ELFN1: variants seen among roughly 807,000 people sequenced by gnomAD.
ELFN1 encodes extracellular leucine rich repeat and fibronectin type III domain containing 1, also known as protein ELFN1.
Under a neutral mutation model 7.6 loss-of-function variants are expected in ELFN1, and 6 were observed. The observed-to-expected ratio is 0.79, with a 90% confidence interval of 0.43 to 1.56. ELFN1 has a LOEUF of 1.56. Among genes scored for constraint, ELFN1 ranks in the 40% most tolerant of loss-of-function variants. ELFN1 has a pLI of 0.01. For synonymous variants in ELFN1, 657 were observed against 588.1 expected (o/e 1.12, Z -1.70); for missense variants, 1,169 against 1,232.2 (o/e 0.95, Z 0.77).
chr7:1,729,940 G>C (rs1226055100), intron 3 of ELFN1, among the ~76,000 whole-genome samples: 3 of 152,250 alleles, frequency 2.0e-5, no homozygotes, highest in Non-Finnish European at 4.4e-5. Context: ...CAGGCCCCAG[G>C]AGGTGGGCGG....
In ELFN1 at chr7:1,696,120, G is replaced by A. The variant is rs189475201; in HGVS notation, c.-456+7970G>A. ...TTGGTTCTAGGAGGGCCAGTGTCCT[G>A]GTTTGCAGATGGCTACCTTCTCACC... is the stretch of plus-strand genomic sequence containing the variant. On this transcript the variant is annotated intron_variant, in intron 2 of 3. Transcript: ENST00000424383. Among the ~76,000 whole-genome samples the A allele has an allele frequency of 1.8e-3, 277 of 152,214 alleles. 1 individual carries two copies. Among genetic ancestry groups the A allele is most frequent in the African/African-American group, 6.3e-3 (263 of 41,532 alleles).
intron 1 of ELFN1, among the ~76,000 whole-genome samples, chr7:1,686,069 T>C (rs1779057252): frequency 6.7e-6 from 1 of 149,540 alleles, no homozygotes; most frequent in South Asian, 2.1e-4. Context: ...CTTTTTTTTT[T>C]CTGAGTATGG....
chr7:1,735,965 G>A lies in ELFN1; in HGVS notation c.-293-8339G>A, dbSNP rs1172893161. 6.6e-6 allele frequency among the ~76,000 whole-genome samples: 1 copy of A among 152,108 alleles called. No individual in the cohort carries two copies. The highest frequency in any genetic ancestry group is 2.4e-5 in the African/African-American group (1 of 41,432). The stretch of plus-strand genomic sequence containing the variant: ...GCCCAAGGTCACACAGCAGGCGCAC[G>A]GCAGAGCCAACACCATCTCCTGGCC... On this transcript the variant is annotated intron_variant, in intron 3 of 3. Transcript: ENST00000424383. The surrounding 1 kb of genome is among the most constrained non-coding windows in gnomAD (Gnocchi z 5.9).
At chr7:1,728,653 C>G (rs570937789) in intron 3 of ELFN1, among the ~76,000 whole-genome samples, 1 of 152,356 alleles carries the variant, frequency 6.6e-6, no homozygotes, top group Non-Finnish European at 1.5e-5. Context: ...AGGCAGCACA[C>G]AGCACATGCG....
At chr7:1,721,695 G>A (rs918955010) in intron 3 of ELFN1, among the ~76,000 whole-genome samples, 1 of 152,178 alleles carries the variant, frequency 6.6e-6, no homozygotes, top group African/African-American at 2.4e-5. Context: ...GGCCTGTCAG[G>A]GTCGAGGAGG....
At chr7:1,690,209 A>G (rs1382294064) in intron 2 of ELFN1, among the ~76,000 whole-genome samples, 2 of 151,252 alleles carry the variant, frequency 1.3e-5, no homozygotes, top group Non-Finnish European at 2.9e-5. Context: ...AAGTGAATGG[A>G]TGGATAGTTG....
chr7:1,714,806 G>A (rs927099156), intron 3 of ELFN1, among the ~76,000 whole-genome samples: 2 of 152,250 alleles, frequency 1.3e-5, no homozygotes, highest in Non-Finnish European at 2.9e-5. Flanking sequence ...GAATTTGGCT[G>A]CGCAAGACAA....
At chr7:1,697,417 C>T (rs540435429) in intron 2 of ELFN1, among the ~76,000 whole-genome samples, 203 of 152,288 alleles carry the variant, frequency 1.3e-3, no homozygotes, top group African/African-American at 4.8e-3. Flanking sequence ...CACCCTGGGG[C>T]CTGCACTCCC....
chr7:1,713,692 G>A (rs1388138872), intron 3 of ELFN1, among the ~76,000 whole-genome samples: 1 of 152,076 alleles, frequency 6.6e-6, no homozygotes, highest in Non-Finnish European at 1.5e-5. Context: ...ATGGAGGTGA[G>A]CCCAGACCCT....
chr7:1,733,897 A>G (rs1780375982), intron 3 of ELFN1, among the ~76,000 whole-genome samples: 1 of 152,154 alleles, frequency 6.6e-6, no homozygotes, highest in Admixed American at 6.5e-5. Flanking sequence ...GGGTCCTTCC[A>G]GCATCTTAGC....
At chr7:1,741,279 A>G (rs1780605849) in intron 3 of ELFN1, among the ~76,000 whole-genome samples, 1 of 152,140 alleles carries the variant, frequency 6.6e-6, no homozygotes, top group Non-Finnish European at 1.5e-5. Context: ...AGTCGTGCCC[A>G]CACGCCCTAA....
chr7:1,681,524 A>G (rs1164119555), intron 1 of ELFN1, among the ~76,000 whole-genome samples: 1 of 152,076 alleles, frequency 6.6e-6, no homozygotes, highest in East Asian at 1.9e-4. Flanking sequence ...CACCATGCCC[A>G]GCTGATTTTT....
At chr7:1,701,123 G>A (rs1178388158) in intron 2 of ELFN1, among the ~76,000 whole-genome samples, 2 of 151,660 alleles carry the variant, frequency 1.3e-5, no homozygotes, top group Non-Finnish European at 2.9e-5. Flanking sequence ...GCGTATGTGA[G>A]CCTGTGTGTG....
intron 1 of ELFN1, among the ~76,000 whole-genome samples, chr7:1,674,072 C>T (rs1269160891): frequency 4.0e-5 from 6 of 151,866 alleles, no homozygotes; most frequent in Admixed American, 1.3e-4. Flanking sequence ...CACTGCTCTG[C>T]TCCCTGCTCC....
chr7:1,667,766 C>A (rs1255597849), upstream of ELFN1, among the ~76,000 whole-genome samples: 1 of 152,194 alleles, frequency 6.6e-6, no homozygotes, highest in African/African-American at 2.4e-5. This position sits in a 1 kb window ranked among gnomAD's most constrained non-coding sequence, Gnocchi z 8.2. Context: ...ACCGCCGCGT[C>A]CTCTCCCCGG....
intron 3 of ELFN1, among the ~76,000 whole-genome samples, chr7:1,725,089 G>C (rs1488997454): frequency 1.3e-5 from 2 of 152,358 alleles, no homozygotes; most frequent in East Asian, 3.9e-4. Flanking sequence ...GAGCAAGGTT[G>C]GGCTGGGGAT....
chr7:1,737,731 T>C (rs779892455), intron 3 of ELFN1, among the ~76,000 whole-genome samples: 1 of 152,144 alleles, frequency 6.6e-6, no homozygotes, highest in Non-Finnish European at 1.5e-5. Flanking sequence ...CCACAGCTTG[T>C]TGGACAGAGC....
intron 1 of ELFN1, among the ~76,000 whole-genome samples, chr7:1,681,033 C>T (rs1234956795): frequency 2.6e-5 from 4 of 152,130 alleles, no homozygotes; most frequent in Admixed American, 6.5e-5. Context: ...TGAGCCACTG[C>T]GCCCAGCCTG....
chr7:1,703,313 T>C (rs1266897345), intron 2 of ELFN1, among the ~76,000 whole-genome samples: 1 of 152,238 alleles, frequency 6.6e-6, no homozygotes, highest in African/African-American at 2.4e-5. Context: ...TCGCCACAAA[T>C]ATCTTTCCCT....
Sources: gnomAD v4.1 joint callset for allele counts (sites outside exome capture counted in the v4.1 genomes callset) on GRCh38, gnomAD v4.1.1 for gene constraint, Gnocchi (gnomAD v3.1) non-coding constraint, MANE v1.5 for transcripts, NCBI Gene and HGNC (gene_info 2026-07-23, HGNC 2026-07-21) for gene names.